Variants in RBKS observed in about 807,000 individuals in gnomAD.
The protein encoded by RBKS is ribokinase.
Under a neutral mutation model 33.9 loss-of-function variants are expected in RBKS, and 33 were observed. The ratio of observed to expected loss-of-function variants is 0.97; its 90% confidence interval spans 0.74 to 1.30. The LOEUF (loss-of-function observed/expected upper bound fraction) is 1.30. RBKS is among the 50% of genes most tolerant of loss of function. RBKS has a pLI of 0.00. For missense variants in RBKS, 361 were observed against 392.6 expected (o/e 0.92, Z 0.68); for synonymous variants, 125 against 143.0 (o/e 0.87, Z 0.90).
Position 27,843,263 on chromosome 2 carries a change from C to G in RBKS, c.350-32G>C. On this transcript the variant is annotated intron_variant, in intron 4 of 7. Coordinates refer to ENST00000302188, the MANE Select transcript of RBKS (RefSeq NM_022128.3). ...AGAAATTCCACCTATTATATTAAAA[C>G]TAAACAAAGCCAAGCAAATGATATT... 4 of 1,524,504 alleles carry G rather than the reference C, an allele frequency of 2.6e-6. No individual in the cohort carries two copies. The Middle Eastern group carries it at 5.2e-4, about 197-fold the overall frequency. The allele number at this position is 1,524,504 out of a possible 1,614,324, so 94.4% of individuals were successfully genotyped here. A position where few individuals can be genotyped will look rare whatever the true frequency, so the allele number is the denominator to read the frequency against.
At chr2:27,870,965 T>TCA in intron 1 of RBKS, 1 of 446,948 alleles carries the variant, frequency 2.2e-6, no homozygotes, top group Non-Finnish European at 4.5e-6. Context: ...GGACTGCGTA[T>TCA]CACAGTGACT....
intron 6 of RBKS, among the ~76,000 whole-genome samples, chr2:27,830,019 G>A (rs1678390551): frequency 6.6e-6 from 1 of 152,124 alleles, no homozygotes. Flanking sequence ...CACAGCGGGT[G>A]AACTTCCTGC....
At chr2:27,878,489 A>C (rs200937955) in intron 1 of RBKS, among the ~76,000 whole-genome samples, 21 of 152,216 alleles carry the variant, frequency 1.4e-4, no homozygotes, top group Non-Finnish European at 2.1e-4. Flanking sequence ...CGCAATAAAC[A>C]TAAGTGTGCA....
intron 7 of RBKS, among the ~76,000 whole-genome samples, chr2:27,818,505 C>T (rs1013390504): frequency 3.9e-5 from 6 of 152,130 alleles, no homozygotes; most frequent in Admixed American, 3.9e-4. Flanking sequence ...GCAGACCGAC[C>T]AACTTAAAAA....
At chr2:27,864,177 C>A (rs927195727) in intron 1 of RBKS, among the ~76,000 whole-genome samples, 1 of 151,740 alleles carries the variant, frequency 6.6e-6, no homozygotes, top group African/African-American at 2.4e-5. Flanking sequence ...CGGGGGCACA[C>A]AACCATGCCC....
At chr2:27,811,358 T>C (rs1442461210) in intron 7 of RBKS, among the ~76,000 whole-genome samples, 1 of 152,228 alleles carries the variant, frequency 6.6e-6, no homozygotes, top group Non-Finnish European at 1.5e-5. Flanking sequence ...ATCCACTGTG[T>C]GGCATGTGGA....
At chr2:27,832,656 C>T (rs781309256) in intron 6 of RBKS, 30 bp downstream of exon 6, 1 of 1,490,638 alleles carries the variant, frequency 6.7e-7, no homozygotes, top group South Asian at 1.1e-5. Flanking sequence ...TTTGGTTTCT[C>T]ATAGAATGAG....
chr2:27,786,351 C>T (rs1239639553), intron 7 of RBKS, among the ~76,000 whole-genome samples: 1 of 152,190 alleles, frequency 6.6e-6, no homozygotes, highest in African/African-American at 2.4e-5. Flanking sequence ...TCTGTGCCTC[C>T]CTACCTTGCA....
chr2:27,817,711 G>A (rs1209441066), intron 7 of RBKS, among the ~76,000 whole-genome samples: 1 of 152,142 alleles, frequency 6.6e-6, no homozygotes, highest in Non-Finnish European at 1.5e-5. Flanking sequence ...AGATCTGGCA[G>A]CTTCTGAAGG....
intron 1 of RBKS, among the ~76,000 whole-genome samples, chr2:27,874,415 G>A (rs759731374): frequency 2.0e-5 from 3 of 152,182 alleles, no homozygotes; most frequent in Non-Finnish European, 2.9e-5. Context: ...GGAGGAAGGT[G>A]CAGCCACTCA....
At chr2:27,859,602 TG>T (rs1663930752) in intron 1 of RBKS, among the ~76,000 whole-genome samples, 1 of 152,070 alleles carries the variant, frequency 6.6e-6, no homozygotes, top group South Asian at 2.1e-4. Flanking sequence ...CTAGGGCAAG[TG>T]AAGAAGATGG....
At chr2:27,787,686 G>A (rs1249840734) in intron 7 of RBKS, among the ~76,000 whole-genome samples, 2 of 152,146 alleles carry the variant, frequency 1.3e-5, no homozygotes, top group African/African-American at 4.8e-5. Flanking sequence ...TAAGTGAGAA[G>A]TAATCCTAAT....
chr2:27,811,502 G>A (rs1256615974), intron 7 of RBKS, among the ~76,000 whole-genome samples: 1 of 152,116 alleles, frequency 6.6e-6, no homozygotes, highest in African/African-American at 2.4e-5. Context: ...TGTATCATTA[G>A]TCTTGGAACT....
At position 27,888,371 on chromosome 2, in the gene RBKS, C is replaced by A. The variant is rs535861237; in HGVS notation, c.89+1886G>T. Among the ~76,000 whole-genome samples the A allele has an allele frequency of 2.0e-5, 3 of 152,274 alleles. No homozygotes were observed. In the South Asian group the frequency reaches 6.2e-4, roughly 32 times the overall value. The stretch of plus-strand genomic sequence containing the variant: ...TGAAACTCCTCACTCAGGTGATCTG[C>A]CCACCTTGGCCTCCCAAAGTGCTGG... On this transcript the variant is annotated intron_variant, in intron 1 of 7. Coordinates refer to ENST00000302188, the MANE Select transcript of RBKS (RefSeq NM_022128.3).
intron 1 of RBKS, among the ~76,000 whole-genome samples, chr2:27,885,121 C>CCT (rs1664502702): frequency 6.6e-6 from 1 of 152,002 alleles, no homozygotes; most frequent in South Asian, 2.1e-4. Context: ...CTGATACAGC[C>CCT]CTCTCCCACC....
Position 27,843,151 on chromosome 2 carries a change from T to A in RBKS, c.430A>T (p.Ser144Cys), listed in dbSNP as rs1203847388. Residue 144 changes from serine (S) to cysteine (C), a missense_variant, in exon 5 of 8, where the codon AGC becomes TGC. By Grantham distance (112) the Ser-to-Cys change is moderately radical (BLOSUM62 -1). Coordinates refer to ENST00000302188, the MANE Select transcript of RBKS (RefSeq NM_022128.3). ...EDLRAAANVISRAKVMVCQLE... is the reference protein window; with the variant it reads ...EDLRAAANVICRAKVMVCQLE... ...TGGCAGACCATGACTTTGGCTCTGC[T>A]AATGACATTGGCTGCTGCCCTCAGA... 6.2e-7 allele frequency: 1 copy of A among 1,612,796 alleles called. No individual in the cohort carries two copies. The highest frequency in any genetic ancestry group is 8.5e-7 in the Non-Finnish European group (1 of 1,179,462).
At chr2:27,834,210 C>T (rs1275278458) in intron 5 of RBKS, among the ~76,000 whole-genome samples, 3 of 152,214 alleles carry the variant, frequency 2.0e-5, no homozygotes, top group Non-Finnish European at 4.4e-5. Flanking sequence ...GTGAGGACAT[C>T]TAGTCTACTT....
chr2:27,870,488 C>T (rs1400725367), intron 1 of RBKS: 1 of 195,896 alleles, frequency 5.1e-6, no homozygotes, highest in African/African-American at 2.3e-5. Flanking sequence ...TTTAGAAAGC[C>T]ATCTCACTTG....
intron 4 of RBKS, among the ~76,000 whole-genome samples, chr2:27,843,508 T>C (rs927923243): frequency 1.3e-5 from 2 of 152,192 alleles, no homozygotes; most frequent in African/African-American, 4.8e-5. Flanking sequence ...AGTTGAGAAA[T>C]GACATATAAC....
Sources: gnomAD v4.1 joint callset for allele counts (sites outside exome capture counted in the v4.1 genomes callset) on GRCh38, gnomAD v4.1.1 for gene constraint, MANE v1.5 for transcripts, NCBI Gene and HGNC (gene_info 2026-07-23, HGNC 2026-07-21) for gene names.